Variants in PLXNA4 observed in about 807,000 individuals in gnomAD.
PLXNA4 encodes the protein plexin-A4.
A neutral mutation model predicts 191.8 loss-of-function variants in PLXNA4; 44 were observed. The observed-to-expected ratio is 0.23, with a 90% CI of 0.18 to 0.29. The LOEUF is 0.29. PLXNA4 is among the 10% of genes least tolerant of loss of function. The pLI, the probability that PLXNA4 is intolerant of heterozygous loss-of-function variation, is 1.00. For synonymous variants in PLXNA4, 1,082 were observed against 1,009.5 expected (o/e 1.07, Z -1.36); for missense variants, 1,800 against 2,488.8 (o/e 0.72, Z 5.89).
At chr7:132,521,666 G>A (rs547843078) in intron 1 of PLXNA4, among the ~76,000 whole-genome samples, 10 of 152,142 alleles carry the variant, frequency 6.6e-5, no homozygotes, top group Non-Finnish European at 1.2e-4. Context: ...AGCAACACCT[G>A]GGCAAGGAAC....
intron 14 of PLXNA4, among the ~76,000 whole-genome samples, chr7:132,189,000 G>GAGGAGAGGAGAGGAGAGGAAAGGAAA (rs1796988411): frequency 6.8e-5 from 1 of 14,760 alleles, no homozygotes; most frequent in Non-Finnish European, 1.2e-4. Flanking sequence ...AAAGGAGAGA[G>GAGGAGAGGAGAGGAGAGGAAAGGAAA]AGAGAGAGAG....
Position 132,226,283 on chromosome 7 carries a change from G to A in PLXNA4, c.1883-23C>T, listed in dbSNP as rs745839463. On this transcript the variant is annotated intron_variant, in intron 7 of 31. Coordinates refer to ENST00000321063, the MANE Select transcript of PLXNA4 (RefSeq NM_020911.2). ...CCCCTACAAGGAGAGATGGCTGAGGGGTCAGGGAATGCTGAGGCCCCAAGC... is the reference window on the plus strand; with the variant it reads ...CCCCTACAAGGAGAGATGGCTGAGGAGTCAGGGAATGCTGAGGCCCCAAGC... 8 of 1,596,042 alleles carry A rather than the reference G, an allele frequency of 5.0e-6. No individual in the cohort carries two copies. The South Asian group carries it at 7.7e-5, about 15-fold the overall frequency.
intron 4 of PLXNA4, among the ~76,000 whole-genome samples, chr7:132,296,289 C>A (rs914758431): frequency 2.6e-5 from 4 of 152,182 alleles, no homozygotes; most frequent in African/African-American, 9.7e-5. Context: ...ATTACCCATC[C>A]AAGGGGAAAC....
chr7:132,418,134 C>A (rs972260911), intron 3 of PLXNA4, among the ~76,000 whole-genome samples: 1 of 152,200 alleles, frequency 6.6e-6, no homozygotes, highest in East Asian at 1.9e-4. Context: ...AGCTCTGGCA[C>A]AAGCACTGCC....
chr7:132,176,061 T>C (rs556703891), intron 20 of PLXNA4, among the ~76,000 whole-genome samples: 126 of 152,320 alleles, frequency 8.3e-4, no homozygotes, highest in Middle Eastern at 6.8e-3. Context: ...AGGAACTGTC[T>C]GCAGGGACCC....
intron 3 of PLXNA4, among the ~76,000 whole-genome samples, chr7:132,404,103 C>T (rs1279172829): frequency 1.3e-5 from 2 of 152,102 alleles, no homozygotes; most frequent in Non-Finnish European, 1.5e-5. Context: ...GGTCCCCAAG[C>T]ACCTCCATAA....
At chr7:132,630,304 C>T (rs1416149549) in intron 2 of PLXNA4, among the ~76,000 whole-genome samples, 1 of 152,196 alleles carries the variant, frequency 6.6e-6, no homozygotes, top group Non-Finnish European at 1.5e-5. Flanking sequence ...AAACACAATT[C>T]AATTTCCATA....
At chr7:132,326,450 C>T (rs1563036846) in intron 3 of PLXNA4, among the ~76,000 whole-genome samples, 1 of 152,192 alleles carries the variant, frequency 6.6e-6, no homozygotes, top group African/African-American at 2.4e-5. Flanking sequence ...AATGGTGGCC[C>T]TTGGTGCTCC....
chr7:132,215,095 C>G (rs939489651), intron 9 of PLXNA4, among the ~76,000 whole-genome samples: 1 of 152,134 alleles, frequency 6.6e-6, no homozygotes, highest in Non-Finnish European at 1.5e-5. Flanking sequence ...CTGCAAATAC[C>G]CCAGCAGTTC....
intron 25 of PLXNA4, among the ~76,000 whole-genome samples, chr7:132,151,920 T>C (rs1273144862): frequency 1.3e-5 from 2 of 152,184 alleles, no homozygotes; most frequent in Non-Finnish European, 2.9e-5. Context: ...GTCACTCTTC[T>C]CTACCCAAAT....
intron 4 of PLXNA4, among the ~76,000 whole-genome samples, chr7:132,242,611 C>A (rs924494450): frequency 2.0e-5 from 3 of 152,284 alleles, no homozygotes; most frequent in South Asian, 4.2e-4. Context: ...GACCACACTG[C>A]GCTTTCACTT....
chr7:132,452,786 A>G (rs1272652469), intron 3 of PLXNA4, among the ~76,000 whole-genome samples: 1 of 152,232 alleles, frequency 6.6e-6, no homozygotes, highest in East Asian at 1.9e-4. Flanking sequence ...ATCAGCTGCA[A>G]GACAGCTCCC....
intron 1 of PLXNA4, among the ~76,000 whole-genome samples, chr7:132,530,839 T>C (rs1414764635): frequency 6.6e-6 from 1 of 152,160 alleles, no homozygotes; most frequent in Non-Finnish European, 1.5e-5. Flanking sequence ...CAAGTGTCCA[T>C]CAACAGATGA....
intron 21 of PLXNA4, 142 bp downstream of exon 21, chr7:132,174,636 G>T (rs9649040): frequency 0.13 from 166,895 of 1,295,298 alleles, 13,065 homozygotes; most frequent in South Asian, 0.32. Context: ...GGGATGGACT[G>T]GTGCTGACAA....
chr7:132,354,565 G>A (rs1048134284), intron 3 of PLXNA4, among the ~76,000 whole-genome samples: 6 of 152,180 alleles, frequency 3.9e-5, no homozygotes, highest in Non-Finnish European at 7.3e-5. Flanking sequence ...ACTGGAGTAG[G>A]GGCAGGCTTC....
Position 132,508,236 on chromosome 7 carries a change from T to C in PLXNA4, c.458A>G (p.Tyr153Cys), listed in dbSNP as rs1382540323. The change falls in exon 2 of 32, where the codon TAT becomes TGT. Residue 153 changes from tyrosine (Y) to cysteine (C), a missense_variant. This residue lies in a region of PLXNA4 where 1,397 missense variants were observed against 1,880.4 expected (regional missense o/e 0.74). Coordinates refer to ENST00000321063, the MANE Select transcript of PLXNA4 (RefSeq NM_020911.2). The surrounding 1 kb of genome is among the most constrained non-coding windows in gnomAD (Gnocchi z 4.4). ...LEDLFKLGEP[Y>C]HKKEHYLSGV... Reference sequence around the variant, plus strand: ...TGACAGATAGTGCTCCTTCTTATGATAAGGCTCCCCCAGCTTGAAGAGGTC... The same window carrying C: ...TGACAGATAGTGCTCCTTCTTATGACAAGGCTCCCCCAGCTTGAAGAGGTC... 1.2e-6 allele frequency: 2 copies of C among 1,614,236 alleles called. No homozygotes were observed. The highest frequency in any genetic ancestry group is 1.7e-6 in the Non-Finnish European group (2 of 1,180,046).
chr7:132,148,521 C>T, intron 26 of PLXNA4, 22 bp downstream of exon 26: 2 of 1,613,858 alleles, frequency 1.2e-6, no homozygotes, highest in Non-Finnish European at 1.7e-6. Flanking sequence ...GCTAGCTCCT[C>T]CCCTTTCCAC....
intron 3 of PLXNA4, among the ~76,000 whole-genome samples, chr7:132,343,459 T>G (rs536577171): frequency 2.6e-5 from 4 of 152,346 alleles, no homozygotes; most frequent in South Asian, 2.1e-4. Flanking sequence ...TGGAAAGTCT[T>G]TTTCCAATGG....
At chr7:132,332,126 T>G (rs574205023) in intron 3 of PLXNA4, among the ~76,000 whole-genome samples, 6 of 152,226 alleles carry the variant, frequency 3.9e-5, no homozygotes, top group Non-Finnish European at 8.8e-5. Context: ...CATCTGGAAT[T>G]CTGCCTCTTT....
Sources: allele counts gnomAD v4.1 joint callset (sites outside exome capture counted in the v4.1 genomes callset), GRCh38; gene constraint gnomAD v4.1.1; regional missense constraint gnomAD v4.1.1; non-coding constraint Gnocchi (gnomAD v3.1); transcripts MANE v1.5; gene names NCBI Gene and HGNC (gene_info 2026-07-23, HGNC 2026-07-21).